CERS3: variants seen among roughly 807,000 people sequenced by gnomAD.
CERS3 encodes the protein ceramide synthase 3, also known as LAG1 homolog, ceramide synthase 3.
In CERS3, 33 loss-of-function variants were observed where a neutral mutation model predicts 50.3. The ratio of observed to expected loss-of-function variants is 0.66; its 90% CI spans 0.50 to 0.88. The LOEUF is 0.88. CERS3 is among the 40% of genes least tolerant of loss of function. The pLI is 0.00. For synonymous variants in CERS3, 176 were observed against 155.2 expected, an observed-to-expected ratio of 1.13 and a Z score of -0.99; for missense variants, 470 against 460.3, an observed-to-expected ratio of 1.02 and a Z score of -0.19.
rs368971037 is a variant in CERS3 at position 100,504,053 on chromosome 15, A to T, written c.-1-2203T>A. On this transcript the variant is annotated intron_variant, in intron 2 of 11. Coordinates refer to ENST00000679737, the MANE Select transcript of CERS3 (RefSeq NM_001378789.1). ...GATTTCTGACTTCAGATGAGAAAGA[A>T]TTCCACAGTGTGGACCCCAATGTCC... 4.3e-4 allele frequency among the ~76,000 whole-genome samples: 65 copies of T among 152,206 alleles called. 1 individual carries two copies. The East Asian group carries it at 0.011, about 25-fold the overall frequency.
intron 10 of CERS3, among the ~76,000 whole-genome samples, chr15:100,461,924 A>G (rs1319022721): frequency 1.3e-5 from 2 of 152,196 alleles, no homozygotes; most frequent in Non-Finnish European, 2.9e-5. Context: ...CAAGACTTCA[A>G]TAAAGGATGG....
chr15:100,446,327 G>A (rs2033938467), intron 11 of CERS3, among the ~76,000 whole-genome samples: 1 of 150,046 alleles, frequency 6.7e-6, no homozygotes, highest in Admixed American at 6.6e-5. Context: ...AAGAAAACAA[G>A]GTCATCAGTA....
intron 6 of CERS3, 58 bp from the exon 7 acceptor site, chr15:100,479,536 AG>A: frequency 7.1e-7 from 1 of 1,402,064 alleles, no homozygotes; most frequent in Non-Finnish European, 9.9e-7. Context: ...TCGGTGTCAA[AG>A]GTCAATTTTG....
chr15:100,415,322 T>C (rs537168925), intron 11 of CERS3, among the ~76,000 whole-genome samples: 1 of 144,592 alleles, frequency 6.9e-6, no homozygotes, highest in African/African-American at 2.9e-5. Context: ...TATACTGTTA[T>C]TGGGAATGCA....
chr15:100,504,925 A>G (rs184486404), intron 2 of CERS3, among the ~76,000 whole-genome samples: 1 of 152,360 alleles, frequency 6.6e-6, no homozygotes, highest in East Asian at 1.9e-4. Flanking sequence ...ATCTCAGAAC[A>G]AGAGCATACA....
At chr15:100,454,519 A>G (rs1291349279) in intron 11 of CERS3, among the ~76,000 whole-genome samples, 1 of 152,152 alleles carries the variant, frequency 6.6e-6, no homozygotes, top group East Asian at 1.9e-4. Flanking sequence ...GATTGAAACT[A>G]GATCTCTGTC....
intron 11 of CERS3, 130 bp from the exon 12 acceptor site, chr15:100,402,995 C>G (rs2030676510): frequency 1.2e-6 from 1 of 862,916 alleles, no homozygotes; most frequent in Non-Finnish European, 1.7e-6. Context: ...TAAACATTCA[C>G]CAAGATTGAC....
intron 10 of CERS3, among the ~76,000 whole-genome samples, chr15:100,464,744 T>A (rs1220497310): frequency 2.6e-5 from 4 of 152,210 alleles, no homozygotes; most frequent in Non-Finnish European, 5.9e-5. Context: ...GTGAAAAACA[T>A]CCACCTGCGA....
intron 11 of CERS3, among the ~76,000 whole-genome samples, chr15:100,422,791 T>C (rs1289916100): frequency 7.1e-6 from 1 of 141,146 alleles, no homozygotes; most frequent in Non-Finnish European, 1.5e-5. Context: ...TGCAGGGACA[T>C]GGATGAAATT....
chr15:100,512,409 G>T (rs928977923), intron 2 of CERS3, among the ~76,000 whole-genome samples: 4 of 152,182 alleles, frequency 2.6e-5, no homozygotes, highest in Admixed American at 2.0e-4. Context: ...TCCCTTGGGG[G>T]TGTTGTGGCA....
At chr15:100,406,119 A>C (rs1239051790) in intron 11 of CERS3, among the ~76,000 whole-genome samples, 1 of 152,252 alleles carries the variant, frequency 6.6e-6, no homozygotes, top group African/African-American at 2.4e-5. Context: ...GAGGTGCTAT[A>C]GATCCACCCT....
intron 11 of CERS3, among the ~76,000 whole-genome samples, chr15:100,445,063 TA>T (rs1409989221): frequency 1.3e-5 from 2 of 151,000 alleles, no homozygotes; most frequent in Admixed American, 6.6e-5. Flanking sequence ...GCCACCAACT[TA>T]AAAAGGACTG....
intron 2 of CERS3, among the ~76,000 whole-genome samples, chr15:100,510,825 G>C (rs1301647709): frequency 6.6e-6 from 1 of 152,186 alleles, no homozygotes; most frequent in Non-Finnish European, 1.5e-5. Context: ...ACATGCAAGA[G>C]AAATGAATTT....
At chr15:100,415,119 A>G (rs1319809089) in intron 11 of CERS3, among the ~76,000 whole-genome samples, 1 of 152,236 alleles carries the variant, frequency 6.6e-6, no homozygotes, top group Non-Finnish European at 1.5e-5. Context: ...AAAGGATATG[A>G]ACAGACACTT....
intron 2 of CERS3, chr15:100,503,570 G>A (rs1195818399): frequency 2.7e-6 from 1 of 375,502 alleles, no homozygotes; most frequent in African/African-American, 2.1e-5. Context: ...GCTCCTCTGT[G>A]AGCCCATAGG....
At chr15:100,461,500 G>C (rs1567634455) in intron 10 of CERS3, among the ~76,000 whole-genome samples, 1 of 152,186 alleles carries the variant, frequency 6.6e-6, no homozygotes, top group African/African-American at 2.4e-5. Context: ...TGTAAAATGA[G>C]AACACCACCC....
intron 1 of CERS3, among the ~76,000 whole-genome samples, chr15:100,541,813 G>T (rs886509130): frequency 5.9e-5 from 9 of 152,098 alleles, no homozygotes; most frequent in African/African-American, 1.7e-4. Flanking sequence ...AAATTATAAC[G>T]TTCATTCATT....
At chr15:100,499,192 C>G (rs913942905) in intron 3 of CERS3, among the ~76,000 whole-genome samples, 1 of 152,158 alleles carries the variant, frequency 6.6e-6, no homozygotes, top group African/African-American at 2.4e-5. Flanking sequence ...CTGCCTTGGA[C>G]TCTTCTGGGA....
chr15:100,542,684 C>T (rs747724537), intron 1 of CERS3, among the ~76,000 whole-genome samples: 1 of 151,974 alleles, frequency 6.6e-6, no homozygotes, highest in South Asian at 2.1e-4. Flanking sequence ...GTATATGTAA[C>T]GAATTTGTCT....
Sources: gnomAD v4.1 joint callset for allele counts (sites outside exome capture counted in the v4.1 genomes callset) on GRCh38, gnomAD v4.1.1 for gene constraint, MANE v1.5 for transcripts, NCBI Gene and HGNC (gene_info 2026-07-23, HGNC 2026-07-21) for gene names.